Variants in TRPM3 observed in about 807,000 individuals in gnomAD.
TRPM3 encodes transient receptor potential cation channel subfamily M member 3.
A neutral mutation model predicts 181.2 loss-of-function variants in TRPM3; 77 were observed. That is an observed-to-expected ratio of 0.42 (90% CI 0.35 to 0.51). TRPM3 has a LOEUF of 0.51. TRPM3 is among the 20% of genes least tolerant of loss of function. The pLI, the probability that TRPM3 is intolerant of heterozygous loss-of-function variation, is 0.01. For missense variants in TRPM3, 1,759 were observed against 2,196.7 expected (o/e 0.80, Z 3.98); for synonymous variants, 745 against 796.4 (o/e 0.94, Z 1.09).
At chr9:70,670,924 T>G (rs2062793267) in intron 9 of TRPM3, among the ~76,000 whole-genome samples, 1 of 152,174 alleles carries the variant, frequency 6.6e-6, no homozygotes, top group African/African-American at 2.4e-5. Context: ...GTTTACTGGC[T>G]ACAGCCAGTA....
In TRPM3 at chr9:70,553,195, G is replaced by A; in HGVS notation, c.3339C>T (p.Asn1113=). ...CAATGAGGAGGTTGACCAGCAAGAT[G>A]TTTGCCACTAAGAGGTAGCAGGCCA... ...AIMACYLLVA[N]ILLVNLLIAV... Residue 1113 remains asparagine (N), a synonymous_variant, in exon 23 of 26, where the codon AAC becomes AAT. Transcript: ENST00000677713. The A allele has an allele frequency of 8.1e-6, 13 of 1,614,164 alleles. No homozygotes were observed. Among genetic ancestry groups the A allele is most frequent in the Non-Finnish European group, 1.1e-5 (13 of 1,180,028 alleles).
At chr9:70,880,942 T>C (rs928346052) in intron 1 of TRPM3, among the ~76,000 whole-genome samples, 1 of 152,160 alleles carries the variant, frequency 6.6e-6, no homozygotes, top group African/African-American at 2.4e-5. Flanking sequence ...GGACAGATTT[T>C]TCCTTTGCTT....
chr9:70,578,879 G>C (rs796511701), intron 22 of TRPM3, among the ~76,000 whole-genome samples: 5 of 152,298 alleles, frequency 3.3e-5, no homozygotes, highest in African/African-American at 1.2e-4. Flanking sequence ...TGCATCAGGG[G>C]ATGTTAGGCA....
chr9:71,183,374 C>T (rs180895000), intron 1 of TRPM3, among the ~76,000 whole-genome samples: 32 of 152,186 alleles, frequency 2.1e-4, no homozygotes, highest in Middle Eastern at 3.4e-3. Flanking sequence ...CGTGGAAGTT[C>T]TCCTCAGTGT....
intron 19 of TRPM3, 113 bp from the exon 20 acceptor site, chr9:70,603,583 T>C: frequency 8.3e-7 from 1 of 1,199,854 alleles, no homozygotes; most frequent in East Asian, 2.4e-5. Context: ...ACACAGACTT[T>C]ATGACAAAAG....
intron 1 of TRPM3, among the ~76,000 whole-genome samples, chr9:71,261,816 G>A (rs902349685): frequency 5.3e-5 from 8 of 152,186 alleles, no homozygotes; most frequent in Non-Finnish European, 8.8e-5. Flanking sequence ...CTGTTTTCCT[G>A]GGTATCACCA....
chr9:70,966,579 A>G (rs894174842), intron 1 of TRPM3, among the ~76,000 whole-genome samples: 1 of 152,188 alleles, frequency 6.6e-6, no homozygotes, highest in African/African-American at 2.4e-5. Context: ...GAATGAGATC[A>G]TATTCTTTGT....
intron 22 of TRPM3, among the ~76,000 whole-genome samples, chr9:70,580,604 G>A (rs116646183): frequency 0.014 from 2,186 of 152,220 alleles, 58 homozygotes; most frequent in African/African-American, 0.048. Context: ...TCATATCTCC[G>A]TTCTCTCTGG....
chr9:70,876,567 AT>A (rs1279835181), intron 1 of TRPM3, among the ~76,000 whole-genome samples: 2 of 151,824 alleles, frequency 1.3e-5, no homozygotes, highest in Non-Finnish European at 2.9e-5. Flanking sequence ...TAGCACAAAA[AT>A]ACAGATTTAG....
chr9:71,425,626 ACTT>A (rs780079535), intron 1 of TRPM3, among the ~76,000 whole-genome samples: 10 of 151,848 alleles, frequency 6.6e-5, no homozygotes, highest in Non-Finnish European at 1.2e-4. Context: ...ATAACCTCTC[ACTT>A]CTTTTCTTTT....
chr9:71,344,946 AT>A (rs1239822889), intron 1 of TRPM3, among the ~76,000 whole-genome samples: 1 of 152,236 alleles, frequency 6.6e-6, no homozygotes, highest in Non-Finnish European at 1.5e-5. Flanking sequence ...ATGAACAGAC[AT>A]TGCTCAAGAG....
intron 1 of TRPM3, among the ~76,000 whole-genome samples, chr9:70,918,944 C>A (rs2096628405): frequency 6.6e-6 from 1 of 151,850 alleles, no homozygotes; most frequent in African/African-American, 2.4e-5. Flanking sequence ...ATAAGTGGGT[C>A]AATTGCACTG....
At chr9:70,892,983 T>G (rs1224140131) in intron 1 of TRPM3, among the ~76,000 whole-genome samples, 2 of 152,188 alleles carry the variant, frequency 1.3e-5, no homozygotes, top group Non-Finnish European at 2.9e-5. Flanking sequence ...TTTACAAGGT[T>G]GTTAATATGC....
In TRPM3 at chr9:70,681,566, G is replaced by T. The variant is rs761235261; in HGVS notation, c.1285C>A (p.Arg429=). 1 of 1,613,630 alleles carries T rather than the reference G, an allele frequency of 6.2e-7. No homozygotes were observed. The highest frequency in any genetic ancestry group is 1.3e-5 in the African/African-American group (1 of 74,858). The change falls in exon 9 of 26, where the codon CGG becomes AGG. Residue 429 remains arginine (R), a synonymous_variant. Coordinates refer to ENST00000677713, the MANE Select transcript of TRPM3 (RefSeq NM_001366145.2). The part of the protein sequence containing the change: ...MKKKELITVF[R]MGSEGHQDID... ...TCCTGGTGTCCTTCTGATCCCATCCGAAATACCGTAATCTGCAATTTGAGA... is the reference window on the plus strand; with the variant it reads ...TCCTGGTGTCCTTCTGATCCCATCCTAAATACCGTAATCTGCAATTTGAGA...
At chr9:71,390,049 A>T (rs2093025466) in intron 1 of TRPM3, among the ~76,000 whole-genome samples, 2 of 152,126 alleles carry the variant, frequency 1.3e-5, no homozygotes, top group South Asian at 4.1e-4. Context: ...GTGCACACTC[A>T]TACACAGTTA....
chr9:70,888,247 C>A (rs901365906), intron 1 of TRPM3, among the ~76,000 whole-genome samples: 7 of 152,062 alleles, frequency 4.6e-5, no homozygotes, highest in African/African-American at 1.7e-4. Flanking sequence ...TATAACCACC[C>A]AGCACATAGT....
chr9:71,227,512 T>C (rs552891873), intron 1 of TRPM3, among the ~76,000 whole-genome samples: 4 of 151,634 alleles, frequency 2.6e-5, no homozygotes, highest in African/African-American at 7.3e-5. Context: ...ATAAATGACA[T>C]TGAAATGAAT....
chr9:71,393,247 C>T (rs7862777), intron 1 of TRPM3, among the ~76,000 whole-genome samples: 7,321 of 152,148 alleles, frequency 0.048, 353 homozygotes, highest in African/African-American at 0.13. Flanking sequence ...ATGCATAGAA[C>T]GGAAGTTTGA....
intron 1 of TRPM3, among the ~76,000 whole-genome samples, chr9:71,046,667 ATCT>A (rs1360905588): frequency 6.6e-6 from 1 of 152,176 alleles, no homozygotes; most frequent in Non-Finnish European, 1.5e-5. Context: ...TCCTGGAGGA[ATCT>A]TCTTAACAAT....
Sources: gnomAD v4.1 joint callset for allele counts (sites outside exome capture counted in the v4.1 genomes callset) on GRCh38, gnomAD v4.1.1 for gene constraint, MANE v1.5 for transcripts, NCBI Gene and HGNC (gene_info 2026-07-23, HGNC 2026-07-21) for gene names.